The following KAZN variants were observed in gnomAD, a reference collection of about 807,000 sequenced individuals.
KAZN encodes the protein kazrin.
In KAZN, 40 loss-of-function variants were observed where a neutral mutation model predicts 87.4. That is an observed-to-expected ratio of 0.46 (90% CI 0.36 to 0.60). The LOEUF (loss-of-function observed/expected upper bound fraction) is 0.60. Ranked by LOEUF, KAZN falls within the 20% of genes least tolerant of loss-of-function variation. KAZN has a pLI of 0.00. For missense variants in KAZN, 898 were observed against 1,073.9 expected (o/e 0.84, Z 2.29); for synonymous variants, 466 against 458.3 (o/e 1.02, Z -0.22).
At chr1:14,230,186 G>A (rs1254280619) in intron 2 of KAZN, among the ~76,000 whole-genome samples, 1 of 152,098 alleles carries the variant, frequency 6.6e-6, no homozygotes, top group Non-Finnish European at 1.5e-5. Context: ...GAGCCTCCAG[G>A]GATTTTGTGC....
intron 2 of KAZN, among the ~76,000 whole-genome samples, chr1:14,521,291 C>T (rs992058579): frequency 3.3e-5 from 5 of 152,140 alleles, no homozygotes; most frequent in Non-Finnish European, 7.4e-5. Flanking sequence ...CTCAGTGTGC[C>T]CAATGTGATA....
At chr1:14,833,737 G>C (rs1238588834) in intron 1 of KAZN, among the ~76,000 whole-genome samples, 1 of 152,104 alleles carries the variant, frequency 6.6e-6, no homozygotes, top group African/African-American at 2.4e-5. Flanking sequence ...GAAGATGAGA[G>C]CTCTCTTGTT....
intron 2 of KAZN, among the ~76,000 whole-genome samples, chr1:14,554,357 A>G (rs1412026658): frequency 6.6e-6 from 1 of 152,154 alleles, no homozygotes; most frequent in East Asian, 1.9e-4. Context: ...ATCCCCACCT[A>G]AAGTCAGTTC....
chr1:14,447,235 T>TATC (rs1444777566), intron 2 of KAZN, among the ~76,000 whole-genome samples: 6 of 146,524 alleles, frequency 4.1e-5, no homozygotes, highest in South Asian at 2.2e-4. Context: ...TTATTATTAT[T>TATC]ATTATTATTA....
intron 1 of KAZN, among the ~76,000 whole-genome samples, chr1:14,619,376 T>G: frequency 6.6e-6 from 1 of 151,948 alleles, no homozygotes; most frequent in East Asian, 1.9e-4. Flanking sequence ...TTTTTAAATT[T>G]TTTTGTAAAG....
At chr1:14,051,927 T>C (rs559299610) in intron 1 of KAZN, among the ~76,000 whole-genome samples, 1 of 152,200 alleles carries the variant, frequency 6.6e-6, no homozygotes, top group South Asian at 2.1e-4. Context: ...TGTCCTATGT[T>C]CTGGAGCTCT....
intron 1 of KAZN, among the ~76,000 whole-genome samples, chr1:14,922,835 G>T (rs752017923): frequency 2.6e-5 from 4 of 152,006 alleles, no homozygotes; most frequent in Non-Finnish European, 5.9e-5. Flanking sequence ...ACAGGGCAGG[G>T]GTTCTAAGGC....
intron 2 of KAZN, among the ~76,000 whole-genome samples, chr1:14,398,824 G>T (rs566792200): frequency 6.6e-6 from 1 of 152,238 alleles, no homozygotes; most frequent in South Asian, 2.1e-4. Flanking sequence ...CACTCTGAAG[G>T]GTGCAGGACC....
intron 1 of KAZN, among the ~76,000 whole-genome samples, chr1:13,895,777 C>T (rs750214532): frequency 3.3e-5 from 5 of 152,110 alleles, no homozygotes; most frequent in East Asian, 1.9e-4. Context: ...ACGTACTCAC[C>T]GAGTACCTAC....
In KAZN at chr1:14,938,269, C is replaced by T. The variant is rs188468342; in HGVS notation, c.227-22415C>T. Among the ~76,000 whole-genome samples the T allele has an allele frequency of 2.3e-3, 357 of 152,238 alleles. 2 individuals carry two copies. Among genetic ancestry groups the T allele is most frequent in the East Asian group, 6.0e-3 (31 of 5,178 alleles). ...GTATTGGTTCAAAATGGGCCGGATG[C>T]GGTGGCTCACGCCTGTAATCCCAAC... On this transcript the variant is annotated intron_variant, in intron 1 of 14. Coordinates refer to ENST00000376030, the MANE Select transcript of KAZN (RefSeq NM_201628.3).
chr1:14,642,356 C>T (rs573892354), intron 1 of KAZN, among the ~76,000 whole-genome samples: 4 of 152,094 alleles, frequency 2.6e-5, no homozygotes, highest in South Asian at 2.1e-4. Context: ...GCTGAGATCA[C>T]GCCACTGCAC....
intron 1 of KAZN, among the ~76,000 whole-genome samples, chr1:13,994,825 G>A (rs1315590062): frequency 6.6e-6 from 1 of 152,012 alleles, no homozygotes; most frequent in South Asian, 2.1e-4. Flanking sequence ...GGCTGGAGAT[G>A]GAAAGCATGC....
chr1:14,944,191 G>C (rs1661465405), intron 1 of KAZN, among the ~76,000 whole-genome samples: 1 of 140,644 alleles, frequency 7.1e-6, no homozygotes, highest in African/African-American at 2.7e-5. Context: ...GGGGACTTGA[G>C]TTTGTCTGCC....
intron 4 of KAZN, among the ~76,000 whole-genome samples, chr1:15,052,632 G>A (rs1011875440): frequency 2.1e-4 from 32 of 152,264 alleles, no homozygotes; most frequent in Admixed American, 1.8e-3. Flanking sequence ...GCATGTGTGT[G>A]GATACGTGGG....
At chr1:14,189,265 A>T (rs1293070539) in intron 2 of KAZN, among the ~76,000 whole-genome samples, 1 of 152,162 alleles carries the variant, frequency 6.6e-6, no homozygotes, top group African/African-American at 2.4e-5. Flanking sequence ...TAGCCCAGAG[A>T]CTTGCTTTCA....
At chr1:14,480,601 A>G (rs1669017790) in intron 2 of KAZN, among the ~76,000 whole-genome samples, 1 of 144,404 alleles carries the variant, frequency 6.9e-6, no homozygotes, top group Non-Finnish European at 1.5e-5. Context: ...TATATATTAT[A>G]TTTTATATAA....
At chr1:15,067,334 A>C in intron 8 of KAZN, 1 of 985,498 alleles carries the variant, frequency 1.0e-6, no homozygotes, top group Non-Finnish European at 1.2e-6. Flanking sequence ...CCACCCCAGG[A>C]GACAAGAGCT....
At chr1:14,659,113 C>A (rs1228946834) in intron 1 of KAZN, among the ~76,000 whole-genome samples, 2 of 152,162 alleles carry the variant, frequency 1.3e-5, no homozygotes, top group Non-Finnish European at 2.9e-5. Flanking sequence ...CGGTGCACAT[C>A]TGTGATCCCA....
intron 2 of KAZN, among the ~76,000 whole-genome samples, chr1:14,516,617 G>A (rs1051197017): frequency 8.5e-5 from 13 of 152,234 alleles, no homozygotes; most frequent in African/African-American, 2.9e-4. Flanking sequence ...AGTGACTGAT[G>A]TTGGAGTCAT....
Sources: gnomAD v4.1 joint callset for allele counts (sites outside exome capture counted in the v4.1 genomes callset) on GRCh38, gnomAD v4.1.1 for gene constraint, MANE v1.5 for transcripts, NCBI Gene and HGNC (gene_info 2026-07-23, HGNC 2026-07-21) for gene names.